The following THSD7A variants were observed in gnomAD, a reference collection of about 807,000 sequenced individuals.
The protein encoded by THSD7A is thrombospondin type-1 domain-containing protein 7A.
A neutral mutation model predicts 231.3 loss-of-function variants in THSD7A; 96 were observed. The ratio of observed to expected loss-of-function variants is 0.41; its 90% CI spans 0.35 to 0.49. THSD7A has a LOEUF of 0.49. Among genes scored for constraint, THSD7A ranks in the 20% least tolerant of loss-of-function variants. The pLI is 0.05. For missense variants in THSD7A, 2,290 were observed against 2,070.2 expected (o/e 1.11, Z -2.06); for synonymous variants, 940 against 743.3 (o/e 1.26, Z -4.30).
chr7:11,767,971 G>T (rs1271286761), intron 1 of THSD7A, among the ~76,000 whole-genome samples: 2 of 152,080 alleles, frequency 1.3e-5, no homozygotes, highest in Non-Finnish European at 2.9e-5. Context: ...GAGCTGAAAA[G>T]GGATCAAAAT....
At chr7:11,426,513 C>T (rs1287849044) in intron 15 of THSD7A, among the ~76,000 whole-genome samples, 153 bp downstream of exon 15, 1 of 152,036 alleles carries the variant, frequency 6.6e-6, no homozygotes, top group African/African-American at 2.4e-5. Context: ...AAAAATAAAA[C>T]AGTTATAGAA....
In THSD7A at chr7:11,701,826, T is replaced by C. The variant is rs147919577; in HGVS notation, c.191-64865A>G. Among the ~76,000 whole-genome samples, 354 of 151,356 alleles carry C rather than the reference T, an allele frequency of 2.3e-3. 4 individuals are homozygous for C. The highest frequency in any genetic ancestry group is 2.2e-3 in the East Asian group (11 of 5,082). On this transcript the variant is annotated intron_variant, in intron 1 of 27. Coordinates refer to ENST00000423059, the MANE Select transcript of THSD7A (RefSeq NM_015204.3). ...GTAAACCTTCCCTAAAGTTGCCTCA[T>C]GTGATGAAAAATGGGCTATCACAAA...
chr7:11,804,441 A>G (rs34284391), intron 1 of THSD7A, among the ~76,000 whole-genome samples: 3 of 152,192 alleles, frequency 2.0e-5, no homozygotes. Context: ...ATAAACAACA[A>G]CAAAAAGAAC....
Position 11,412,699 on chromosome 7 carries a change from A to G in THSD7A, c.3639T>C (p.Cys1213=), listed in dbSNP as rs767754941. ...AGTGGTAGCAGTTTTTGTTCAGGTTACAGGGTTCTTTCTCAACAGCATTAG... is the reference window on the plus strand; with the variant it reads ...AGTGGTAGCAGTTTTTGTTCAGGTTGCAGGGTTCTTTCTCAACAGCATTAG... ...SCPNAVEKEP[C]NLNKNCYHYD... The change falls in exon 18 of 28, where the codon TGT becomes TGC. Residue 1213 remains cysteine, a synonymous_variant. Coordinates refer to ENST00000423059, the MANE Select transcript of THSD7A (RefSeq NM_015204.3). The G allele has an allele frequency of 6.2e-6, 10 of 1,613,710 alleles. No homozygotes were observed. In the African/African-American group the frequency reaches 1.2e-4, roughly 19 times the overall value.
intron 2 of THSD7A, among the ~76,000 whole-genome samples, chr7:11,611,990 C>G (rs1276530056): frequency 6.6e-6 from 1 of 152,040 alleles, no homozygotes; most frequent in Non-Finnish European, 1.5e-5. Context: ...CTCTAGCTTT[C>G]TAATTGCTGC....
chr7:11,534,290 T>A (rs1003968370), intron 6 of THSD7A, among the ~76,000 whole-genome samples: 2 of 152,180 alleles, frequency 1.3e-5, no homozygotes, highest in African/African-American at 2.4e-5. Context: ...ACTCATTAAA[T>A]CTGGATTGTC....
intron 1 of THSD7A, among the ~76,000 whole-genome samples, chr7:11,650,402 C>A (rs1425504142): frequency 6.6e-6 from 1 of 152,062 alleles, no homozygotes; most frequent in Non-Finnish European, 1.5e-5. Flanking sequence ...ATCTACAATG[C>A]ATCCCAAGAT....
chr7:11,677,749 G>T (rs1200063870), intron 1 of THSD7A, among the ~76,000 whole-genome samples: 1 of 151,966 alleles, frequency 6.6e-6, no homozygotes, highest in African/African-American at 2.4e-5. Context: ...AATAGTGGGA[G>T]ACTTTAACAC....
chr7:11,757,091 C>T (rs989078845), intron 1 of THSD7A, among the ~76,000 whole-genome samples: 3 of 151,714 alleles, frequency 2.0e-5, no homozygotes, highest in East Asian at 1.9e-4. Context: ...GCTTAGTAAA[C>T]ATTTATTGAT....
intron 1 of THSD7A, among the ~76,000 whole-genome samples, chr7:11,777,102 A>T (rs1343625109): frequency 1.1e-4 from 16 of 152,182 alleles, no homozygotes; most frequent in Admixed American, 1.0e-3. Context: ...ATGACCAGAG[A>T]TAATGTGCGA....
chr7:11,404,545 G>C (rs1385173996), intron 22 of THSD7A, among the ~76,000 whole-genome samples: 1 of 152,152 alleles, frequency 6.6e-6, no homozygotes, highest in Non-Finnish European at 1.5e-5. Flanking sequence ...GCCCTGCCTG[G>C]AGCTGTCACC....
intron 4 of THSD7A, among the ~76,000 whole-genome samples, chr7:11,589,777 A>T: frequency 6.6e-6 from 1 of 152,204 alleles, no homozygotes; most frequent in East Asian, 1.9e-4. Flanking sequence ...TTCAATATAC[A>T]CTTAATCAAA....
chr7:11,441,471 C>T (rs1583747737), intron 13 of THSD7A, among the ~76,000 whole-genome samples: 1 of 151,916 alleles, frequency 6.6e-6, no homozygotes, highest in Non-Finnish European at 1.5e-5. Flanking sequence ...TAAAAAAGTT[C>T]CAGATATTCT....
intron 1 of THSD7A, among the ~76,000 whole-genome samples, chr7:11,717,642 T>C (rs1781186950): frequency 6.6e-6 from 1 of 151,674 alleles, no homozygotes. Context: ...GGAGAATATA[T>C]CTGTCTAATT....
At chr7:11,447,558 T>C (rs1032367975) in intron 11 of THSD7A, 134 bp from the exon 12 acceptor site, 2 of 681,056 alleles carry the variant, frequency 2.9e-6, no homozygotes, top group Admixed American at 3.6e-5. Flanking sequence ...AGAAATCTTA[T>C]AGGAGTGTTT....
intron 1 of THSD7A, among the ~76,000 whole-genome samples, chr7:11,759,214 A>C (rs1782779468): frequency 6.6e-6 from 1 of 152,102 alleles, no homozygotes; most frequent in African/African-American, 2.4e-5. Flanking sequence ...TACAACAATA[A>C]ATATAGCCTA....
intron 22 of THSD7A, among the ~76,000 whole-genome samples, chr7:11,404,405 C>A (rs1239643639): frequency 6.6e-6 from 1 of 152,182 alleles, no homozygotes; most frequent in African/African-American, 2.4e-5. Context: ...GTGTGAATGT[C>A]ACAACAATCC....
At chr7:11,395,144 CAAA>C (rs56112219) in intron 23 of THSD7A, among the ~76,000 whole-genome samples, 9 of 124,988 alleles carry the variant, frequency 7.2e-5, no homozygotes, top group Admixed American at 8.0e-5. Flanking sequence ...AAATGGAAAG[CAAA>C]AAAAAAAAAA....
At chr7:11,563,305 C>T (rs15) in intron 4 of THSD7A, among the ~76,000 whole-genome samples, 126,536 of 152,174 alleles carry the variant, frequency 0.83, 53,300 homozygotes, top group African/African-American at 0.96. Context: ...GTATTTAATG[C>T]GCTTCAAAGC....
Sources: gnomAD v4.1 joint callset for allele counts (sites outside exome capture counted in the v4.1 genomes callset) on GRCh38, gnomAD v4.1.1 for gene constraint, MANE v1.5 for transcripts, NCBI Gene and HGNC (gene_info 2026-07-23, HGNC 2026-07-21) for gene names.